SASH1: variants seen among roughly 807,000 people sequenced by gnomAD.
SASH1 encodes the protein SAM and SH3 domain containing 1.
Under a neutral mutation model 125.2 loss-of-function variants are expected in SASH1, and 44 were observed. The ratio of observed to expected loss-of-function variants is 0.35; its 90% CI spans 0.28 to 0.45. The LOEUF (loss-of-function observed/expected upper bound fraction) is 0.45. SASH1 is among the 20% of genes least tolerant of loss of function. The pLI is 1.00. For missense variants in SASH1, 1,426 were observed against 1,614.5 expected, an observed-to-expected ratio of 0.88 and a Z score of 2.00; for synonymous variants, 639 against 649.1, an observed-to-expected ratio of 0.98 and a Z score of 0.24.
intron 7 of SASH1, chr6:148,480,374 G>A (rs1778567623): frequency 6.7e-6 from 1 of 149,538 alleles, no homozygotes; most frequent in African/African-American, 2.5e-5. Flanking sequence ...ACCGTACAGA[G>A]AAAGTTAAGA....
At chr6:148,323,742 T>C (rs1391776860) in intron 1 of SASH1, among the ~76,000 whole-genome samples, 2 of 152,038 alleles carry the variant, frequency 1.3e-5, no homozygotes, top group Non-Finnish European at 2.9e-5. Context: ...TTGATACCAA[T>C]TAAAGGGAGG....
chr6:148,516,014 T>C (rs1780414872), intron 9 of SASH1, among the ~76,000 whole-genome samples: 1 of 152,186 alleles, frequency 6.6e-6, no homozygotes, highest in South Asian at 2.1e-4. Context: ...TGACTAAAAA[T>C]ACAGACATTG....
chr6:148,307,060 C>G (rs1397072766), intron 1 of SASH1, among the ~76,000 whole-genome samples: 2 of 145,886 alleles, frequency 1.4e-5, no homozygotes, highest in Non-Finnish European at 3.0e-5. Context: ...TTCTTTCTTT[C>G]TTTCTTTCTT....
chr6:148,475,724 T>C (rs1247024533), intron 7 of SASH1, among the ~76,000 whole-genome samples: 1 of 152,202 alleles, frequency 6.6e-6, no homozygotes, highest in Non-Finnish European at 1.5e-5. Flanking sequence ...TTTAGTTTAA[T>C]ATACAGTAGT....
intron 1 of SASH1, among the ~76,000 whole-genome samples, chr6:148,347,371 A>G (rs1016563560): frequency 6.6e-6 from 1 of 152,226 alleles, no homozygotes; most frequent in Non-Finnish European, 1.5e-5. Flanking sequence ...TCCATTGTAT[A>G]GAGATACTCC....
At chr6:148,214,404 T>C in the SASH1 span, among the ~76,000 whole-genome samples, 1 of 152,234 alleles carries the variant, frequency 6.6e-6, no homozygotes, top group African/African-American at 2.4e-5. Flanking sequence ...GATTTGGATA[T>C]TGAACCACTT....
the SASH1 span, among the ~76,000 whole-genome samples, chr6:148,260,407 T>C: frequency 6.6e-6 from 1 of 152,002 alleles, no homozygotes; most frequent in African/African-American, 2.4e-5. Context: ...AGGAGTTTGA[T>C]ATCAGCCTAG....
intron 5 of SASH1, among the ~76,000 whole-genome samples, chr6:148,470,697 T>C (rs1306294733): frequency 6.6e-6 from 1 of 151,768 alleles, no homozygotes; most frequent in Non-Finnish European, 1.5e-5. Flanking sequence ...GGATCGGGGG[T>C]GCGGTGGGTA....
intron 4 of SASH1, among the ~76,000 whole-genome samples, chr6:148,449,078 C>CTTTTTT: frequency 0.062 from 5,483 of 88,376 alleles, 573 homozygotes; most frequent in South Asian, 0.22. Flanking sequence ...CATTTCATTT[C>CTTTTTT]TTTTTTTTTT....
intron 12 of SASH1, among the ~76,000 whole-genome samples, chr6:148,528,256 G>T (rs892688630): frequency 1.3e-5 from 2 of 152,156 alleles, no homozygotes; most frequent in African/African-American, 2.4e-5. Flanking sequence ...AGTAAAGATA[G>T]TTGGAGAGCT....
At chr6:148,526,749 T>G (rs1338966964) in intron 11 of SASH1, among the ~76,000 whole-genome samples, 4 of 152,230 alleles carry the variant, frequency 2.6e-5, no homozygotes, top group African/African-American at 7.2e-5. Context: ...GATGTTGCTC[T>G]TCTAACGACT....
intron 7 of SASH1, among the ~76,000 whole-genome samples, chr6:148,477,575 G>A (rs949925665): frequency 6.6e-6 from 1 of 152,286 alleles, no homozygotes; most frequent in Non-Finnish European, 1.5e-5. Context: ...GCCCAGGCTG[G>A]AATGCAGTGG....
chr6:148,471,406 T>TC lies in SASH1; in HGVS notation c.428-11_428-10insC. On this transcript the variant is annotated splice_polypyrimidine_tract_variant and intron_variant, in intron 5 of 19. Coordinates refer to ENST00000367467, the MANE Select transcript of SASH1 (RefSeq NM_015278.5). ...TTGTTCTTTTTTTTTTTTTTTTTTT[T>TC]TTTTTTTAAGGAAAAGGAGACTGGA... 7.4e-7 allele frequency: 1 copy of TC among 1,342,964 alleles called. No individual in the cohort carries two copies. Among genetic ancestry groups the TC allele is most frequent in the Non-Finnish European group, 1.0e-6 (1 of 995,168 alleles). The allele number at this position is 1,342,964 out of a possible 1,614,324, so 83.2% of individuals were successfully genotyped here.
At chr6:148,206,793 G>GCGCACACACACA in the SASH1 span, among the ~76,000 whole-genome samples, 1 of 134,460 alleles carries the variant, frequency 7.4e-6, no homozygotes, top group African/African-American at 2.8e-5. Flanking sequence ...CCATCTCAAA[G>GCGCACACACACA]CACACACACA....
intron 2 of SASH1, among the ~76,000 whole-genome samples, chr6:148,396,478 G>GAAAAAAAAAAAAA (rs61277112): frequency 9.4e-5 from 6 of 63,794 alleles, no homozygotes; most frequent in South Asian, 6.9e-4. Context: ...CTGCATCTCA[G>GAAAAAAAAAAAAA]AAAAAAAAAA....
At chr6:148,360,224 T>TC (rs907352144) in intron 1 of SASH1, among the ~76,000 whole-genome samples, 3 of 152,086 alleles carry the variant, frequency 2.0e-5, no homozygotes, top group African/African-American at 7.2e-5. Flanking sequence ...TTTTTTTTTT[T>TC]AATCTAGTCA....
upstream of SASH1, among the ~76,000 whole-genome samples, chr6:148,268,566 G>GTT (rs1778993231): frequency 6.6e-6 from 1 of 152,214 alleles, no homozygotes; most frequent in African/African-American, 2.4e-5. Flanking sequence ...TGACAGAATG[G>GTT]TTGGTCTATC....
chr6:148,401,352 G>A (rs1366228095), intron 2 of SASH1, among the ~76,000 whole-genome samples: 3 of 151,870 alleles, frequency 2.0e-5, no homozygotes, highest in Non-Finnish European at 2.9e-5. Flanking sequence ...GGGTAACTTT[G>A]GAAAATACAT....
At chr6:148,407,879 C>G (rs1029021593) in intron 2 of SASH1, among the ~76,000 whole-genome samples, 2 of 152,016 alleles carry the variant, frequency 1.3e-5, no homozygotes, top group African/African-American at 4.8e-5. Flanking sequence ...GTGATCCACC[C>G]GCCTCGGCCT....
Sources: allele counts gnomAD v4.1 joint callset (sites outside exome capture counted in the v4.1 genomes callset), GRCh38; gene constraint gnomAD v4.1.1; transcripts MANE v1.5; gene names NCBI Gene and HGNC (gene_info 2026-07-23, HGNC 2026-07-21).